The following CDH18 variants were observed in gnomAD, a reference collection of about 807,000 sequenced individuals.
The protein encoded by CDH18 is cadherin-18.
CDH18 carries 31 observed loss-of-function variants against 67.9 expected under a neutral mutation model. The ratio of observed to expected loss-of-function variants is 0.46; its 90% CI spans 0.34 to 0.62. CDH18 has a LOEUF of 0.62. CDH18 is among the 20% of genes least tolerant of loss of function. CDH18 has a pLI of 0.01. For synonymous variants in CDH18, 362 were observed against 347.2 expected, an observed-to-expected ratio of 1.04 and a Z score of -0.48; for missense variants, 890 against 975.5, an observed-to-expected ratio of 0.91 and a Z score of 1.17.
chr5:20,261,699 C>T (rs1225805537), intron 1 of CDH18, among the ~76,000 whole-genome samples: 2 of 151,968 alleles, frequency 1.3e-5, no homozygotes, highest in African/African-American at 2.4e-5. Flanking sequence ...CCACTGCATT[C>T]CAGCCTGGGC....
At chr5:20,481,144 C>T (rs372906110) in intron 1 of CDH18, among the ~76,000 whole-genome samples, 1 of 149,618 alleles carries the variant, frequency 6.7e-6, no homozygotes, top group Non-Finnish European at 1.5e-5. Flanking sequence ...GGGCTGAAAA[C>T]AGATATTCCA....
chr5:20,183,694 A>G (rs1737872231), intron 2 of CDH18, among the ~76,000 whole-genome samples: 1 of 152,084 alleles, frequency 6.6e-6, no homozygotes, highest in South Asian at 2.1e-4. Flanking sequence ...ATTCACTTGC[A>G]TATAGTTTTC....
intron 5 of CDH18, among the ~76,000 whole-genome samples, chr5:19,689,643 A>G (rs1224946895): frequency 6.6e-6 from 1 of 151,944 alleles, no homozygotes; most frequent in African/African-American, 2.4e-5. Flanking sequence ...AAAGAACTCC[A>G]ATGTTACCAC....
chr5:20,471,727 G>C (rs887443431), intron 1 of CDH18, among the ~76,000 whole-genome samples: 1 of 150,194 alleles, frequency 6.7e-6, no homozygotes, highest in Non-Finnish European at 1.5e-5. Flanking sequence ...GATTGAACCC[G>C]GGAGGCGGAG....
chr5:20,487,240 A>G (rs1753253506), intron 1 of CDH18, among the ~76,000 whole-genome samples: 1 of 152,028 alleles, frequency 6.6e-6, no homozygotes, highest in Non-Finnish European at 1.5e-5. Flanking sequence ...CATTCTTAAC[A>G]TAAATGAAAA....
intron 5 of CDH18, among the ~76,000 whole-genome samples, chr5:19,670,979 A>G (rs2150349766): frequency 6.6e-6 from 1 of 152,260 alleles, no homozygotes; most frequent in African/African-American, 2.4e-5. Flanking sequence ...AAAATAGGAA[A>G]TGATGAGTAT....
At chr5:20,450,761 T>C (rs1456936602) in intron 1 of CDH18, among the ~76,000 whole-genome samples, 1 of 152,172 alleles carries the variant, frequency 6.6e-6, no homozygotes, top group East Asian at 1.9e-4. Context: ...ACTCATTGCA[T>C]TAGTCTGTTC....
At chr5:20,210,874 GACT>G (rs1003578905) in intron 2 of CDH18, among the ~76,000 whole-genome samples, 71 of 151,984 alleles carry the variant, frequency 4.7e-4, no homozygotes, top group African/African-American at 1.5e-3. Flanking sequence ...GCTGAGTAAT[GACT>G]ACTACATTTT....
chr5:20,314,144 TATTA>T (rs1468338603), intron 1 of CDH18, among the ~76,000 whole-genome samples: 6 of 152,180 alleles, frequency 3.9e-5, no homozygotes, highest in Middle Eastern at 3.4e-3. Context: ...ATAGAACCTT[TATTA>T]ATTATTGCCT....
At chr5:20,104,685 C>T (rs1156840611) in intron 2 of CDH18, among the ~76,000 whole-genome samples, 1 of 152,082 alleles carries the variant, frequency 6.6e-6, no homozygotes, top group African/African-American at 2.4e-5. Context: ...ATTCCAAGTG[C>T]TGTTCCAATA....
At chr5:19,952,601 TA>T (rs760512701) in intron 2 of CDH18, among the ~76,000 whole-genome samples, 13 of 152,262 alleles carry the variant, frequency 8.5e-5, no homozygotes, top group South Asian at 6.2e-4. Flanking sequence ...ACAGAATAAA[TA>T]AACATATTAA....
At chr5:19,961,350 ACCCG>A (rs1796885902) in intron 2 of CDH18, among the ~76,000 whole-genome samples, 1 of 151,598 alleles carries the variant, frequency 6.6e-6, no homozygotes, top group Admixed American at 6.6e-5. Flanking sequence ...CTCGTGATCC[ACCCG>A]CCTCGGCCTC....
chr5:19,940,569 A>G (rs1794713330), intron 2 of CDH18, among the ~76,000 whole-genome samples: 1 of 152,034 alleles, frequency 6.6e-6, no homozygotes, highest in African/African-American at 2.4e-5. Context: ...TGTCTTATTC[A>G]CACAATTTTT....
intron 2 of CDH18, among the ~76,000 whole-genome samples, chr5:19,958,445 C>T (rs986469608): frequency 2.2e-5 from 3 of 136,568 alleles, no homozygotes; most frequent in Non-Finnish European, 3.1e-5. Flanking sequence ...GACTTATGAA[C>T]TGCCATCAAG....
intron 1 of CDH18, among the ~76,000 whole-genome samples, chr5:20,405,376 C>A (rs1373325967): frequency 1.3e-5 from 2 of 152,142 alleles, no homozygotes; most frequent in Non-Finnish European, 2.9e-5. Context: ...GGAAAACTGG[C>A]TAGCCATAGG....
chr5:20,095,117 G>C (rs1166533241), intron 2 of CDH18, among the ~76,000 whole-genome samples: 3 of 151,736 alleles, frequency 2.0e-5, no homozygotes, highest in Non-Finnish European at 4.4e-5. Flanking sequence ...AGAACATATG[G>C]GCACAGGGAG....
intron 2 of CDH18, among the ~76,000 whole-genome samples, chr5:19,960,646 CACGTGTAT>C (rs1796746939): frequency 8.8e-6 from 1 of 113,282 alleles, no homozygotes; most frequent in Non-Finnish European, 1.6e-5. Flanking sequence ...TATACATATA[CACGTGTAT>C]ATATATATAC....
chr5:20,565,402 A>T (rs1252060709), intron 1 of CDH18, among the ~76,000 whole-genome samples: 2 of 152,126 alleles, frequency 1.3e-5, no homozygotes, highest in Non-Finnish European at 2.9e-5. Context: ...CCTGCTGCTT[A>T]CTTGGTAAGT....
chr5:19,753,499 A>G (rs1206834037), intron 3 of CDH18, among the ~76,000 whole-genome samples: 1 of 152,196 alleles, frequency 6.6e-6, no homozygotes, highest in African/African-American at 2.4e-5. Context: ...GAAAATATGA[A>G]CAAAGCCTCA....
Sources: allele counts gnomAD v4.1 joint callset (sites outside exome capture counted in the v4.1 genomes callset), GRCh38; gene constraint gnomAD v4.1.1; transcripts MANE v1.5; gene names NCBI Gene and HGNC (gene_info 2026-07-23, HGNC 2026-07-21).